MAST4: variants seen among roughly 807,000 people sequenced by gnomAD.
MAST4 encodes microtubule associated serine/threonine kinase family member 4.
A neutral mutation model predicts 162.7 loss-of-function variants in MAST4; 89 were observed. The observed-to-expected ratio is 0.55, with a 90% CI of 0.46 to 0.65. MAST4 has a LOEUF of 0.65. Among genes scored for constraint, MAST4 ranks in the 30% least tolerant of loss-of-function variants. The probability of loss-of-function intolerance (pLI) is 0.00; values close to 1 mark genes in which losing one functional copy is unlikely to be tolerated. For missense variants in MAST4, 3,153 were observed against 3,374.0 expected (o/e 0.93, Z 1.62); for synonymous variants, 1,479 against 1,361.1 (o/e 1.09, Z -1.91).
At chr5:66,730,698 A>G (rs1030606515) in intron 1 of MAST4, among the ~76,000 whole-genome samples, 4 of 152,110 alleles carry the variant, frequency 2.6e-5, no homozygotes, top group African/African-American at 9.7e-5. Flanking sequence ...GAAAATGTAG[A>G]TTTTTGAAGC....
intron 1 of MAST4, among the ~76,000 whole-genome samples, chr5:66,702,494 TG>T (rs1346622998): frequency 1.3e-5 from 2 of 151,918 alleles, no homozygotes; most frequent in Admixed American, 1.3e-4. Flanking sequence ...TGTGTGTATG[TG>T]GGGAGTGATA....
intron 5 of MAST4, among the ~76,000 whole-genome samples, chr5:67,079,941 A>C (rs1762408504): frequency 6.6e-6 from 1 of 152,206 alleles, no homozygotes; most frequent in African/African-American, 2.4e-5. Context: ...TGCAAAGGCT[A>C]CCAGGGGTCT....
intron 3 of MAST4, among the ~76,000 whole-genome samples, chr5:66,858,671 T>C (rs1759862157): frequency 6.6e-6 from 1 of 152,222 alleles, no homozygotes. Context: ...ATTTATGCTT[T>C]TAAGTAAATT....
intron 26 of MAST4, among the ~76,000 whole-genome samples, chr5:67,157,728 C>T (rs1158414960): frequency 6.6e-6 from 1 of 152,160 alleles, no homozygotes; most frequent in Non-Finnish European, 1.5e-5. Context: ...GGCTTTTCCA[C>T]TGGACTCTCA....
chr5:66,709,613 A>G (rs1239934687), intron 1 of MAST4, among the ~76,000 whole-genome samples: 1 of 152,192 alleles, frequency 6.6e-6, no homozygotes, highest in Non-Finnish European at 1.5e-5. Context: ...CACCATATGC[A>G]GCCCCCAAAA....
chr5:66,674,807 A>G (rs1180936918), intron 1 of MAST4, among the ~76,000 whole-genome samples: 1 of 152,218 alleles, frequency 6.6e-6, no homozygotes, highest in Non-Finnish European at 1.5e-5. Context: ...TAATCAATAG[A>G]TTCGTAGGCT....
At chr5:66,936,884 T>A (rs57512785) in intron 4 of MAST4, among the ~76,000 whole-genome samples, 2,850 of 152,300 alleles carry the variant, frequency 0.019, 92 homozygotes, top group African/African-American at 0.065. Context: ...CCCAGCATCA[T>A]CTTTTTCTTA....
At chr5:66,913,592 T>C (rs567899997) in intron 4 of MAST4, among the ~76,000 whole-genome samples, 19 of 152,212 alleles carry the variant, frequency 1.2e-4, no homozygotes, top group Non-Finnish European at 2.8e-4. Flanking sequence ...GATCTGTAAA[T>C]GTTTTCTCCC....
intron 14 of MAST4, among the ~76,000 whole-genome samples, chr5:67,127,402 C>T (rs751749266): frequency 2.6e-5 from 4 of 152,014 alleles, no homozygotes; most frequent in South Asian, 2.1e-4. Context: ...TTTTGAGATA[C>T]GGTCCATCAA....
intron 4 of MAST4, among the ~76,000 whole-genome samples, chr5:66,964,445 T>G (rs149476483): frequency 4.7e-4 from 71 of 152,126 alleles, no homozygotes; most frequent in African/African-American, 1.6e-3. Context: ...TAGTGAATCT[T>G]CCTGTATCTA....
chr5:66,909,661 G>T (rs907904969), intron 4 of MAST4, among the ~76,000 whole-genome samples: 47 of 152,304 alleles, frequency 3.1e-4, no homozygotes, highest in African/African-American at 1.1e-3. Context: ...TTTACTTTTT[G>T]AGGTCAACAT....
intron 1 of MAST4, among the ~76,000 whole-genome samples, chr5:66,636,021 A>G (rs1479182195): frequency 8.0e-6 from 1 of 124,328 alleles, no homozygotes; most frequent in Non-Finnish European, 1.6e-5. Context: ...GCAGTTGTGC[A>G]ATCTCAGCTC....
At chr5:67,071,220 C>T (rs972997579) in intron 5 of MAST4, among the ~76,000 whole-genome samples, 2 of 151,746 alleles carry the variant, frequency 1.3e-5, no homozygotes, top group African/African-American at 4.8e-5. Flanking sequence ...GCAATGAAGG[C>T]GAAAGACCTA....
chr5:66,845,092 T>TAC (rs1758727251), intron 3 of MAST4, among the ~76,000 whole-genome samples: 1 of 66,130 alleles, frequency 1.5e-5, no homozygotes, highest in Non-Finnish European at 2.8e-5. Flanking sequence ...TCTTTATATA[T>TAC]ATATATATAT....
At chr5:66,788,601 C>CCCCCCCCCAGCAAAAAAAAAAAAA in intron 2 of MAST4, 69 bp from the exon 3 acceptor site, 1 of 1,179,562 alleles carries the variant, frequency 8.5e-7, no homozygotes, top group Non-Finnish European at 1.2e-6. Flanking sequence ...ACCCCACCCC[C>CCCCCCCCCAGCAAAAAAAAAAAAA]ACCCCCATTG....
At chr5:66,844,885 A>G (rs1211285644) in intron 3 of MAST4, among the ~76,000 whole-genome samples, 3 of 151,762 alleles carry the variant, frequency 2.0e-5, no homozygotes, top group African/African-American at 7.3e-5. Context: ...TCAAAGGGAA[A>G]GATCCAATAG....
intron 19 of MAST4, 115 bp from the exon 20 acceptor site, chr5:67,142,000 G>A (rs1770454563): frequency 9.6e-7 from 1 of 1,046,304 alleles, no homozygotes. Context: ...TGATTTTCAT[G>A]TCTGTATTTC....
At chr5:66,632,155 C>T (rs938206464) in intron 1 of MAST4, among the ~76,000 whole-genome samples, 4 of 152,024 alleles carry the variant, frequency 2.6e-5, no homozygotes, top group Non-Finnish European at 4.4e-5. Flanking sequence ...TGTTGGAGTC[C>T]GAAGCCCCAC....
At chr5:67,158,112 A>G (rs1321344356) in intron 26 of MAST4, among the ~76,000 whole-genome samples, 3 of 151,896 alleles carry the variant, frequency 2.0e-5, no homozygotes, top group African/African-American at 7.3e-5. Flanking sequence ...ACCACAGGAA[A>G]TACTAAAATT....
Sources: gnomAD v4.1 joint callset for allele counts (sites outside exome capture counted in the v4.1 genomes callset) on GRCh38, gnomAD v4.1.1 for gene constraint, MANE v1.5 for transcripts, NCBI Gene and HGNC (gene_info 2026-07-23, HGNC 2026-07-21) for gene names.